VEGFC: variants seen among roughly 807,000 people sequenced by gnomAD.
VEGFC encodes FLT4 ligand DHM.
Under a neutral mutation model 46.1 loss-of-function variants are expected in VEGFC, and 12 were observed. That is an observed-to-expected ratio of 0.26 (90% CI 0.17 to 0.42). The LOEUF is 0.42. VEGFC is among the 10% of genes least tolerant of loss of function. VEGFC has a pLI of 1.00. For synonymous variants in VEGFC, 232 were observed against 195.5 expected (o/e 1.19, Z -1.56); for missense variants, 488 against 529.4 (o/e 0.92, Z 0.77).
chr4:176,774,091 T>C (rs1241960727), intron 1 of VEGFC, among the ~76,000 whole-genome samples: 1 of 151,964 alleles, frequency 6.6e-6, no homozygotes, highest in Non-Finnish European at 1.5e-5. Context: ...GACAAGTTAG[T>C]ATTCTCTGCT....
chr4:176,769,204 C>G (rs1735683387), intron 1 of VEGFC, among the ~76,000 whole-genome samples: 1 of 152,126 alleles, frequency 6.6e-6, no homozygotes, highest in African/African-American at 2.4e-5. Context: ...GACTTCCCAA[C>G]CTCCAGAACT....
intron 1 of VEGFC, among the ~76,000 whole-genome samples, chr4:176,731,162 G>A (rs1481784305): frequency 6.6e-6 from 1 of 151,962 alleles, no homozygotes; most frequent in South Asian, 2.1e-4. Context: ...GGGAAGGGTG[G>A]AGGTGGAGAG....
chr4:176,747,658 T>C (rs1017411271), intron 1 of VEGFC, among the ~76,000 whole-genome samples: 1 of 151,930 alleles, frequency 6.6e-6, no homozygotes, highest in African/African-American at 2.4e-5. Flanking sequence ...CCAGGCTCAT[T>C]AGCCATGAGC....
At position 176,746,779 on chromosome 4, in the gene VEGFC, T is replaced by C. The variant is rs536438751; in HGVS notation, c.148-17033A>G. Among the ~76,000 whole-genome samples, 6 of 152,136 alleles carry C rather than the reference T, an allele frequency of 3.9e-5. No homozygotes were observed. The East Asian group carries it at 1.2e-3, about 29-fold the overall frequency. On this transcript the variant is annotated intron_variant, in intron 1 of 6. Coordinates refer to ENST00000618562, the MANE Select transcript of VEGFC (RefSeq NM_005429.5). ...AATTCACAATAGCACACAAACAATA[T>C]CAAACCCCTACTAAAATTCCAAGCA...
intron 1 of VEGFC, among the ~76,000 whole-genome samples, chr4:176,742,260 T>C (rs543857850): frequency 2.0e-5 from 3 of 152,202 alleles, no homozygotes; most frequent in East Asian, 3.9e-4. Flanking sequence ...GCAAAGCACA[T>C]CATTTCATCC....
intron 4 of VEGFC, among the ~76,000 whole-genome samples, chr4:176,700,079 G>T (rs1303933790): frequency 6.6e-6 from 1 of 152,192 alleles, no homozygotes; most frequent in Non-Finnish European, 1.5e-5. Context: ...AATTTTGCCA[G>T]TCTTAATGTT....
intron 4 of VEGFC, among the ~76,000 whole-genome samples, chr4:176,693,526 G>A (rs1734249507): frequency 7.0e-6 from 1 of 142,114 alleles, no homozygotes; most frequent in Non-Finnish European, 1.5e-5. Context: ...GTGATGGGGA[G>A]AATGGAACCA....
At chr4:176,737,397 CTTT>C (rs1345794078) in intron 1 of VEGFC, among the ~76,000 whole-genome samples, 1 of 148,298 alleles carries the variant, frequency 6.7e-6, no homozygotes, top group African/African-American at 2.5e-5. Flanking sequence ...AATATAATCT[CTTT>C]TTAACATTTC....
At chr4:176,715,164 T>G (rs540166505) in intron 3 of VEGFC, among the ~76,000 whole-genome samples, 1 of 152,306 alleles carries the variant, frequency 6.6e-6, no homozygotes, top group Non-Finnish European at 1.5e-5. Flanking sequence ...AATCAAAATC[T>G]TAATAACTAA....
chr4:176,692,828 C>T lies in VEGFC; in HGVS notation c.705-4901G>A, dbSNP rs575865075. ...AAGTGGGTCCCTGACCCCTGACCCC[C>T]GAGCAGCCTAACTGGGAGGCACCCC... On this transcript the variant is annotated intron_variant, in intron 4 of 6. Coordinates refer to ENST00000618562, the MANE Select transcript of VEGFC (RefSeq NM_005429.5). Among the ~76,000 whole-genome samples the T allele has an allele frequency of 3.7e-3, 532 of 144,984 alleles. 9 individuals are homozygous for T. The highest frequency in any genetic ancestry group is 0.011 in the African/African-American group (399 of 37,318).
intron 2 of VEGFC, among the ~76,000 whole-genome samples, chr4:176,728,240 C>T (rs1415954297): frequency 1.3e-5 from 2 of 152,028 alleles, no homozygotes; most frequent in African/African-American, 4.8e-5. Context: ...CACCAATATC[C>T]CACAACACTA....
At chr4:176,746,573 C>G (rs1560953894) in intron 1 of VEGFC, among the ~76,000 whole-genome samples, 1 of 152,066 alleles carries the variant, frequency 6.6e-6, no homozygotes, top group Non-Finnish European at 1.5e-5. Context: ...AAAACCTCTT[C>G]CTCTTCCTTA....
intron 4 of VEGFC, among the ~76,000 whole-genome samples, chr4:176,691,330 A>G (rs539721545): frequency 5.9e-5 from 9 of 152,322 alleles, no homozygotes; most frequent in African/African-American, 2.2e-4. Flanking sequence ...TTTTTTGTAT[A>G]GTGTATTTAT....
At chr4:176,746,328 G>A (rs496516) in intron 1 of VEGFC, among the ~76,000 whole-genome samples, 143,103 of 151,988 alleles carry the variant, frequency 0.94, 67,988 homozygotes, top group East Asian at 1. Context: ...TTATTTTTAA[G>A]AAAACACAGA....
chr4:176,714,568 C>G (rs1734667382), intron 3 of VEGFC, among the ~76,000 whole-genome samples: 1 of 152,182 alleles, frequency 6.6e-6, no homozygotes, highest in Non-Finnish European at 1.5e-5. Flanking sequence ...CAGGACAGAG[C>G]CTGATAGTGA....
intron 1 of VEGFC, among the ~76,000 whole-genome samples, chr4:176,736,865 TA>T (rs1330774110): frequency 1.3e-5 from 2 of 151,486 alleles, no homozygotes; most frequent in Non-Finnish European, 3.0e-5. Context: ...CACATAGCAA[TA>T]GAAAAAACTA....
chr4:176,756,291 T>C (rs969095215), intron 1 of VEGFC, among the ~76,000 whole-genome samples: 1 of 152,114 alleles, frequency 6.6e-6, no homozygotes, highest in African/African-American at 2.4e-5. Flanking sequence ...CATTCAGCTA[T>C]GAACAAAACA....
intron 3 of VEGFC, among the ~76,000 whole-genome samples, chr4:176,716,709 C>T (rs1734706786): frequency 6.6e-6 from 1 of 151,536 alleles, no homozygotes; most frequent in African/African-American, 2.4e-5. Context: ...AAATAGCTTA[C>T]CGTAAACACT....
At chr4:176,768,962 C>T (rs1166909075) in intron 1 of VEGFC, among the ~76,000 whole-genome samples, 1 of 151,968 alleles carries the variant, frequency 6.6e-6, no homozygotes, top group Non-Finnish European at 1.5e-5. Flanking sequence ...CCAAAATTCA[C>T]ATGTTAAAAT....
Sources: gnomAD v4.1 joint callset for allele counts (sites outside exome capture counted in the v4.1 genomes callset) on GRCh38, gnomAD v4.1.1 for gene constraint, MANE v1.5 for transcripts, NCBI Gene and HGNC (gene_info 2026-07-23, HGNC 2026-07-21) for gene names.